Variants in TSHR observed in about 807,000 individuals in gnomAD.
TSHR encodes the protein thyrotropin receptor.
TSHR carries 51 observed loss-of-function variants against 64.1 expected under a neutral mutation model. The ratio of observed to expected loss-of-function variants is 0.80; its 90% CI spans 0.64 to 1.01. The LOEUF is 1.01. Among genes scored for constraint, TSHR ranks in the 50% least tolerant of loss-of-function variants. The pLI is 0.00. For synonymous variants in TSHR, 361 were observed against 361.9 expected (o/e 1.00, Z 0.03); for missense variants, 877 against 942.8 (o/e 0.93, Z 0.91).
chr14:81,073,758 C>A (rs1252128486), intron 3 of TSHR, among the ~76,000 whole-genome samples: 1 of 152,064 alleles, frequency 6.6e-6, no homozygotes, highest in Non-Finnish European at 1.5e-5. Flanking sequence ...ATGTATCCTT[C>A]ATAAGAAGTT....
At chr14:81,070,557 G>C (rs146703663) in intron 3 of TSHR, among the ~76,000 whole-genome samples, 3,871 of 142,786 alleles carry the variant, frequency 0.027, 196 homozygotes, top group African/African-American at 0.092. Flanking sequence ...ACCTGGGCGG[G>C]AGAGGTTGCA....
intron 8 of TSHR, among the ~76,000 whole-genome samples, chr14:81,116,035 A>G (rs1387242133): frequency 6.6e-6 from 1 of 152,146 alleles, no homozygotes; most frequent in Non-Finnish European, 1.5e-5. Flanking sequence ...AGGAAGCGCT[A>G]AACATGGAAA....
chr14:80,985,053 AT>A (rs1888369136), intron 1 of TSHR, among the ~76,000 whole-genome samples: 1 of 152,132 alleles, frequency 6.6e-6, no homozygotes, highest in African/African-American at 2.4e-5. Context: ...GATCGAGACC[AT>A]CCTGGCTAAC....
intron 8 of TSHR, among the ~76,000 whole-genome samples, chr14:81,137,779 T>C (rs941361171): frequency 2.0e-5 from 3 of 152,234 alleles, no homozygotes; most frequent in Admixed American, 2.0e-4. Context: ...TCAAGAAATA[T>C]GTATTAAAAT....
At chr14:81,025,164 G>A (rs940936037) in intron 1 of TSHR, among the ~76,000 whole-genome samples, 1 of 152,138 alleles carries the variant, frequency 6.6e-6, no homozygotes, top group African/African-American at 2.4e-5. Context: ...TGTGCAGTCT[G>A]TATTTGGGTT....
rs567674408 is a variant in TSHR, at chr14:81,139,764, C to A, written c.778C>A (p.Leu260Ile). 1.9e-6 allele frequency: 3 copies of A among 1,614,236 alleles called. No individual in the cohort carries two copies. In the East Asian group the frequency reaches 6.7e-5, roughly 36 times the overall value. ...ACTGATAGCAAGAAACACCTGGACT[C>A]TTAAGAAACTTCCACTTTCCTTGAG... ...KELIARNTWT[L>I]KKLPLSLSFL... is the part of the protein sequence containing the mutation. Residue 260 changes from leucine to isoleucine, a missense_variant, in exon 9 of 10, where the codon CTT becomes ATT. By Grantham distance (5) the Leu-to-Ile change is conservative. Coordinates refer to ENST00000298171, the MANE Select transcript of TSHR (RefSeq NM_000369.5).
At chr14:81,036,231 A>G (rs1388176655) in intron 1 of TSHR, among the ~76,000 whole-genome samples, 3 of 152,236 alleles carry the variant, frequency 2.0e-5, no homozygotes, top group East Asian at 3.8e-4. Flanking sequence ...ATCCAGCTCC[A>G]TGAAGCACAA....
chr14:81,118,439 G>C (rs375369025), intron 8 of TSHR, among the ~76,000 whole-genome samples: 5,714 of 136,676 alleles, frequency 0.042, 250 homozygotes, highest in East Asian at 0.17. Flanking sequence ...GCTTCAAAGA[G>C]AATAAAATAC....
At chr14:81,094,265 CTTGCT>C (rs1888982723) in intron 6 of TSHR, 1 of 152,192 alleles carries the variant, frequency 6.6e-6, no homozygotes, top group Non-Finnish European at 1.5e-5. Flanking sequence ...ATTCTTTTGT[CTTGCT>C]TCACCATGTT....
chr14:81,018,724 C>T (rs143863067), intron 1 of TSHR, among the ~76,000 whole-genome samples: 44 of 152,250 alleles, frequency 2.9e-4, no homozygotes, highest in Middle Eastern at 3.4e-3. Context: ...CTCATAGTTC[C>T]TGAACATAGC....
At chr14:81,093,790 A>G (rs17111431) in intron 6 of TSHR, 33,512 of 152,138 alleles carry the variant, frequency 0.22, 4,908 homozygotes, top group African/African-American at 0.41. Context: ...CTTACCATGC[A>G]GAAAAGGCCC....
At chr14:81,001,588 G>A in intron 1 of TSHR, 1 of 525,508 alleles carries the variant, frequency 1.9e-6, no homozygotes, top group Admixed American at 1.9e-5. Context: ...TGCTTGGCCT[G>A]GGCACTACCA....
intron 8 of TSHR, among the ~76,000 whole-genome samples, chr14:81,122,578 G>A (rs1420632358): frequency 1.3e-5 from 2 of 152,178 alleles, no homozygotes; most frequent in South Asian, 2.1e-4. Flanking sequence ...AGAAGAGTGT[G>A]TCAGGAGAGG....
chr14:81,017,829 C>CTTT (rs58604814), intron 1 of TSHR, among the ~76,000 whole-genome samples: 32 of 137,080 alleles, frequency 2.3e-4, no homozygotes, highest in African/African-American at 8.6e-4. Flanking sequence ...ATTGTATAAT[C>CTTT]TTTTTTTTTT....
At chr14:81,045,373 G>T (rs1438235659) in intron 1 of TSHR, among the ~76,000 whole-genome samples, 1 of 152,134 alleles carries the variant, frequency 6.6e-6, no homozygotes, top group Non-Finnish European at 1.5e-5. Flanking sequence ...CTGATCCTGG[G>T]CTTTTCTTCA....
At chr14:80,976,481 T>C (rs996534099) in intron 1 of TSHR, among the ~76,000 whole-genome samples, 2 of 152,230 alleles carry the variant, frequency 1.3e-5, no homozygotes, top group African/African-American at 4.8e-5. Flanking sequence ...ATGACTTATC[T>C]GCTGATATGA....
At chr14:81,015,398 C>T (rs561244481) in intron 1 of TSHR, among the ~76,000 whole-genome samples, 95 of 152,138 alleles carry the variant, frequency 6.2e-4, no homozygotes, top group African/African-American at 2.0e-3. Flanking sequence ...ATTTTCAAGA[C>T]GGGCAAGAGT....
chr14:81,115,339 G>A lies in TSHR; in HGVS notation c.692+6887G>A, dbSNP rs573770890. Among the ~76,000 whole-genome samples the A allele has an allele frequency of 2.0e-5, 3 of 149,796 alleles. No individual in the cohort carries two copies. The East Asian group carries it at 6.0e-4, about 30-fold the overall frequency. ...CCAATACAGAGAAGTGCTTAAAGGA[G>A]CTGATGGAGCTGAAGACCAAGGCTC... is the stretch of plus-strand genomic sequence containing the variant. On this transcript the variant is annotated intron_variant, in intron 8 of 9. Transcript: ENST00000298171.
At chr14:81,037,836 T>C (rs1884723963) in intron 1 of TSHR, among the ~76,000 whole-genome samples, 1 of 151,378 alleles carries the variant, frequency 6.6e-6, no homozygotes, top group African/African-American at 2.4e-5. Context: ...GCAAATATTA[T>C]AACATCTAAA....
Sources: allele counts gnomAD v4.1 joint callset (sites outside exome capture counted in the v4.1 genomes callset), GRCh38; gene constraint gnomAD v4.1.1; transcripts MANE v1.5; gene names NCBI Gene and HGNC (gene_info 2026-07-23, HGNC 2026-07-21).